FBXL13: variants seen among roughly 807,000 people sequenced by gnomAD.
FBXL13 encodes the protein F-box and leucine-rich repeat protein 13.
FBXL13 carries 67 observed loss-of-function variants against 83.6 expected under a neutral mutation model. That is an observed-to-expected ratio of 0.80 (90% CI 0.66 to 0.98). The LOEUF is 0.98. Among genes scored for constraint, FBXL13 ranks in the 50% least tolerant of loss-of-function variants. The pLI, the probability that FBXL13 is intolerant of heterozygous loss-of-function variation, is 0.00. For synonymous variants in FBXL13, 272 were observed against 299.5 expected (o/e 0.91, Z 0.95); for missense variants, 822 against 866.5 (o/e 0.95, Z 0.64).
At chr7:103,014,502 T>G (rs1792020229) in intron 6 of FBXL13, among the ~76,000 whole-genome samples, 1 of 152,196 alleles carries the variant, frequency 6.6e-6, no homozygotes, top group South Asian at 2.1e-4. Flanking sequence ...GGAGGAGGAA[T>G]GCCTCCCTAA....
chr7:102,962,106 C>T (rs920183485), intron 8 of FBXL13, among the ~76,000 whole-genome samples: 1 of 151,118 alleles, frequency 6.6e-6, no homozygotes, highest in African/African-American at 2.5e-5. Context: ...GGCTAATATC[C>T]AGAATCTACA....
chr7:102,865,531 T>C (rs1419219298), intron 16 of FBXL13, among the ~76,000 whole-genome samples: 1 of 152,058 alleles, frequency 6.6e-6, no homozygotes, highest in Non-Finnish European at 1.5e-5. Flanking sequence ...TGTGTTTTTT[T>C]TGTTTGATTG....
chr7:103,045,459 C>T (rs905103170), intron 2 of FBXL13, among the ~76,000 whole-genome samples: 1 of 152,180 alleles, frequency 6.6e-6, no homozygotes, highest in African/African-American at 2.4e-5. Context: ...TTATCAATGT[C>T]ACTATCACCA....
chr7:103,049,695 C>T (rs1796614934), intron 2 of FBXL13, among the ~76,000 whole-genome samples: 1 of 152,134 alleles, frequency 6.6e-6, no homozygotes, highest in Admixed American at 6.5e-5. Flanking sequence ...GCTTGAATAT[C>T]CACTTTTAAT....
At position 102,933,949 on chromosome 7, in the gene FBXL13, T is replaced by C. The variant is rs761488115; in HGVS notation, c.725-2016A>G. Reference sequence around the variant, plus strand: ...TTACCATTGTAATCTTGCTCTGCTTTTGCAAAGCGGCTGAGCTGCGCAAAG... The same window carrying C: ...TTACCATTGTAATCTTGCTCTGCTTCTGCAAAGCGGCTGAGCTGCGCAAAG... On this transcript the variant is annotated intron_variant, in intron 8 of 19. Transcript: ENST00000313221. The C allele has an allele frequency of 3.1e-6, 5 of 1,612,812 alleles. No homozygotes were observed. The Admixed American group carries it at 8.3e-5, about 27-fold the overall frequency.
chr7:103,030,607 C>T (rs1190443135), intron 2 of FBXL13, among the ~76,000 whole-genome samples: 3 of 151,930 alleles, frequency 2.0e-5, no homozygotes, highest in South Asian at 2.1e-4. Flanking sequence ...CCTGAAAAGT[C>T]CTAAATAAAT....
chr7:102,981,612 G>A (rs1313311577), intron 6 of FBXL13, among the ~76,000 whole-genome samples: 2 of 152,172 alleles, frequency 1.3e-5, no homozygotes, highest in African/African-American at 4.8e-5. Flanking sequence ...AGTGCTAGTG[G>A]CTGGAGGCCT....
At chr7:102,910,591 C>CTT (rs1814496504) in intron 11 of FBXL13, among the ~76,000 whole-genome samples, 2 of 152,020 alleles carry the variant, frequency 1.3e-5, no homozygotes, top group Admixed American at 1.3e-4. Flanking sequence ...CGTGAATCCC[C>CTT]ATGCACTGCT....
intron 11 of FBXL13, among the ~76,000 whole-genome samples, chr7:102,908,097 A>C (rs1814037008): frequency 6.6e-6 from 1 of 152,204 alleles, no homozygotes; most frequent in South Asian, 2.1e-4. Flanking sequence ...TCATGCTGCT[A>C]TAAAGACTCA....
intron 14 of FBXL13, 68 bp downstream of exon 15, chr7:102,883,237 T>C: frequency 1.4e-6 from 2 of 1,454,618 alleles, no homozygotes; most frequent in Non-Finnish European, 1.9e-6. Flanking sequence ...CATAAGTTCC[T>C]TAGGAGAGAA....
At chr7:102,901,231 A>G (rs61676871) in intron 11 of FBXL13, among the ~76,000 whole-genome samples, 5,378 of 152,338 alleles carry the variant, frequency 0.035, 287 homozygotes, top group African/African-American at 0.12. Context: ...CTTGAAATTT[A>G]AAGACAGATT....
rs1795782364 is a variant in FBXL13 at position 103,042,154 on chromosome 7, T to C, written c.1-12736A>G. Among the ~76,000 whole-genome samples the C allele has an allele frequency of 2.6e-5, 4 of 152,072 alleles. No homozygotes were observed. In the South Asian group the frequency reaches 8.3e-4, roughly 31 times the overall value. On this transcript the variant is annotated intron_variant, in intron 2 of 19. Transcript: ENST00000313221. ...AGGATACAAAATCAATGTGCAAAAA[T>C]CACAAGCATTCCTATACACCAATAA...
At chr7:102,924,445 G>C (rs1330203300) in intron 10 of FBXL13, among the ~76,000 whole-genome samples, 1 of 152,002 alleles carries the variant, frequency 6.6e-6, no homozygotes, top group East Asian at 1.9e-4. Flanking sequence ...TGCCTGGCAG[G>C]AGGAAGACTG....
intron 11 of FBXL13, among the ~76,000 whole-genome samples, chr7:102,895,133 T>C (rs1812101282): frequency 6.6e-6 from 1 of 152,114 alleles, no homozygotes; most frequent in Non-Finnish European, 1.5e-5. Context: ...AGAGAATGCT[T>C]AGTGAAAAGT....
intron 8 of FBXL13, among the ~76,000 whole-genome samples, chr7:102,935,242 C>CTT (rs71106700): frequency 2.7e-4 from 21 of 76,398 alleles, no homozygotes; most frequent in African/African-American, 8.7e-4. Flanking sequence ...TTTTTTCTTT[C>CTT]TTTTTTTTTT....
At chr7:103,028,555 C>T (rs1359086122) in intron 4 of FBXL13, 45 bp downstream of exon 5, 1 of 1,382,122 alleles carries the variant, frequency 7.2e-7, no homozygotes, top group Non-Finnish European at 9.7e-7. Flanking sequence ...TTTATTATTT[C>T]AATAAATGGA....
intron 2 of FBXL13, among the ~76,000 whole-genome samples, chr7:103,053,560 C>T (rs767080165): frequency 1.3e-5 from 2 of 152,162 alleles, no homozygotes; most frequent in Non-Finnish European, 2.9e-5. Flanking sequence ...ATAGGGTTTA[C>T]CACGCTAAAT....
chr7:102,948,387 T>C (rs1347738996), intron 8 of FBXL13, among the ~76,000 whole-genome samples: 2 of 152,076 alleles, frequency 1.3e-5, no homozygotes, highest in African/African-American at 4.8e-5. Flanking sequence ...GTCTGAATTC[T>C]GTTAAGTCTG....
chr7:102,918,968 T>C (rs1276162439), intron 10 of FBXL13, among the ~76,000 whole-genome samples: 3 of 151,798 alleles, frequency 2.0e-5, no homozygotes, highest in South Asian at 2.1e-4. Flanking sequence ...AAGAACTGAG[T>C]GGTATTCAAT....
Sources: allele counts gnomAD v4.1 joint callset (sites outside exome capture counted in the v4.1 genomes callset), GRCh38; gene constraint gnomAD v4.1.1; transcripts MANE v1.5; gene names NCBI Gene and HGNC (gene_info 2026-07-23, HGNC 2026-07-21).